Variants in NFATC3 observed in about 807,000 individuals in gnomAD.
NFATC3 encodes the protein nuclear factor of activated T cells 3.
NFATC3 carries 46 observed loss-of-function variants against 98.6 expected under a neutral mutation model. The ratio of observed to expected loss-of-function variants is 0.47; its 90% CI spans 0.37 to 0.60. NFATC3 has a LOEUF of 0.60. NFATC3 is among the 20% of genes least tolerant of loss of function. The pLI is 0.00. For synonymous variants in NFATC3, 512 were observed against 472.2 expected, an observed-to-expected ratio of 1.08 and a Z score of -1.09; for missense variants, 1,256 against 1,295.5, an observed-to-expected ratio of 0.97 and a Z score of 0.47.
At chr16:68,160,998 G>A (rs1217811730) in intron 4 of NFATC3, among the ~76,000 whole-genome samples, 1 of 152,052 alleles carries the variant, frequency 6.6e-6, no homozygotes, top group Non-Finnish European at 1.5e-5. Context: ...TTAAACATTT[G>A]TGTTCTATAA....
At position 68,228,813 on chromosome 16, in the gene NFATC3, G is replaced by A. The variant is rs1429291396; in HGVS notation, c.*2342G>A. 6.6e-6 allele frequency: 1 copy of A among 152,380 alleles called. No individual in the cohort carries two copies. Among genetic ancestry groups the A allele is most frequent in the Non-Finnish European group, 1.5e-5 (1 of 68,052 alleles). 9.4% of individuals were successfully genotyped at this position (152,380 alleles called of 1,614,324 possible). A position where few individuals can be genotyped will look rare whatever the true frequency, so the allele number is the denominator to read the frequency against. ...CCTACTCTAACTGTGCTAGCTCTTG[G>A]GTTGAGGAATGGAATGGGTAGCCTT... On this transcript the variant is annotated 3_prime_UTR_variant, in exon 10 of 10. Transcript: ENST00000346183.
intron 9 of NFATC3, among the ~76,000 whole-genome samples, chr16:68,195,877 G>T (rs1006066364): frequency 6.6e-6 from 1 of 151,852 alleles, no homozygotes; most frequent in African/African-American, 2.4e-5. Flanking sequence ...TTTTGTGATG[G>T]TAGTCTCACC....
At position 68,190,982 on chromosome 16, in the gene NFATC3, T is replaced by G; in HGVS notation, c.2313T>G (p.Asp771Glu). The change falls in exon 9 of 10, where the codon GAT (aspartate) becomes GAG (glutamate). Residue 771 changes from aspartate (D) to glutamate (E), a missense_variant. This residue lies in a region of NFATC3 where 636 missense variants were observed against 617.3 expected (regional missense o/e 1.03). Coordinates refer to ENST00000346183, the MANE Select transcript of NFATC3 (RefSeq NM_173165.3). ...SSHLPQLQCR[D>E]ESVSKEQHMI... Reference sequence around the variant, plus strand: ...ATCTGCCACAGTTGCAGTGTAGAGATGAGAGTGTTAGTAAAGAACAGCATA... The same window carrying G: ...ATCTGCCACAGTTGCAGTGTAGAGAGGAGAGTGTTAGTAAAGAACAGCATA... 1 of 1,614,182 alleles carries G rather than the reference T, an allele frequency of 6.2e-7. No homozygotes were observed.
intron 3 of NFATC3, among the ~76,000 whole-genome samples, chr16:68,127,978 C>T (rs1488607085): frequency 6.6e-6 from 1 of 152,136 alleles, no homozygotes; most frequent in Non-Finnish European, 1.5e-5. Context: ...CTCACTACTA[C>T]TACTTTTTTA....
chr16:68,221,401 T>G (rs2041859103), intron 9 of NFATC3: 1 of 1,479,474 alleles, frequency 6.8e-7, no homozygotes, highest in African/African-American at 1.4e-5. Context: ...TGAAAGCACT[T>G]TGTTGCAGTT....
chr16:68,201,226 T>C (rs1443105061), intron 9 of NFATC3, among the ~76,000 whole-genome samples: 2 of 149,054 alleles, frequency 1.3e-5, no homozygotes, highest in Non-Finnish European at 3.0e-5. Flanking sequence ...GCCACTGCAC[T>C]TGGCCTTTTT....
chr16:68,129,939 A>C (rs1274508304), intron 3 of NFATC3, among the ~76,000 whole-genome samples: 1 of 151,724 alleles, frequency 6.6e-6, no homozygotes, highest in African/African-American at 2.4e-5. Flanking sequence ...TGGCCTCCCA[A>C]AGTACTGGGA....
chr16:68,138,119 C>T (rs1249290706), intron 3 of NFATC3, among the ~76,000 whole-genome samples: 1 of 151,836 alleles, frequency 6.6e-6, no homozygotes, highest in Non-Finnish European at 1.5e-5. Context: ...CACTGCAACC[C>T]CTGCCTGCTG....
At chr16:68,093,339 G>A (rs559983576) in intron 1 of NFATC3, among the ~76,000 whole-genome samples, 1 of 152,248 alleles carries the variant, frequency 6.6e-6, no homozygotes, top group South Asian at 2.1e-4. Context: ...AGCTAATTCA[G>A]TCCTTCCATT....
intron 8 of NFATC3, among the ~76,000 whole-genome samples, chr16:68,186,538 TCAAAA>T (rs1417123619): frequency 6.6e-6 from 1 of 152,140 alleles, no homozygotes; most frequent in Non-Finnish European, 1.5e-5. Flanking sequence ...AGACTCCATC[TCAAAA>T]CAAAAACAAA....
At chr16:68,112,101 G>A (rs1436915296) in intron 1 of NFATC3, among the ~76,000 whole-genome samples, 1 of 151,826 alleles carries the variant, frequency 6.6e-6, no homozygotes, top group Non-Finnish European at 1.5e-5. Context: ...TTTTGGGATT[G>A]ATCTTCTCAT....
intron 3 of NFATC3, among the ~76,000 whole-genome samples, chr16:68,153,137 C>T (rs1251756565): frequency 2.0e-5 from 3 of 152,256 alleles, no homozygotes; most frequent in Non-Finnish European, 4.4e-5. Context: ...TGGCTCACGC[C>T]TGTAATCTCA....
chr16:68,208,485 C>T (rs990070943), intron 9 of NFATC3, among the ~76,000 whole-genome samples: 1 of 152,128 alleles, frequency 6.6e-6, no homozygotes, highest in Non-Finnish European at 1.5e-5. Flanking sequence ...CTGAGGCAGG[C>T]TGATCACCTG....
chr16:68,192,515 G>C (rs756224951), intron 9 of NFATC3, among the ~76,000 whole-genome samples: 4 of 151,862 alleles, frequency 2.6e-5, no homozygotes, highest in Non-Finnish European at 5.9e-5. Context: ...GCTGAATGCT[G>C]TCCTTTTGCA....
intron 1 of NFATC3, among the ~76,000 whole-genome samples, chr16:68,094,002 T>G (rs947158800): frequency 1.3e-5 from 2 of 152,216 alleles, no homozygotes; most frequent in African/African-American, 4.8e-5. Context: ...GAGGGATGCT[T>G]CTTATTCCTG....
intron 9 of NFATC3, among the ~76,000 whole-genome samples, chr16:68,198,313 T>C (rs974859877): frequency 8.5e-5 from 13 of 152,066 alleles, no homozygotes; most frequent in Non-Finnish European, 1.8e-4. Context: ...ATGAGACCCT[T>C]GTCTCAAAAA....
At chr16:68,090,028 A>G (rs2034617658) in intron 1 of NFATC3, among the ~76,000 whole-genome samples, 1 of 152,148 alleles carries the variant, frequency 6.6e-6, no homozygotes, top group African/African-American at 2.4e-5. Context: ...TTAATACACA[A>G]CTTTTTCATA....
At chr16:68,164,428 G>A (rs1177445700) in intron 4 of NFATC3, among the ~76,000 whole-genome samples, 1 of 152,142 alleles carries the variant, frequency 6.6e-6, no homozygotes, top group African/African-American at 2.4e-5. Context: ...GGGAGAGGGA[G>A]AGCGCCTAAT....
At chr16:68,172,643 A>G (rs752542400) in intron 5 of NFATC3, among the ~76,000 whole-genome samples, 1 of 151,984 alleles carries the variant, frequency 6.6e-6, no homozygotes, top group Non-Finnish European at 1.5e-5. Flanking sequence ...TTAGTTGTGT[A>G]TGGTAATGCA....
Sources: allele counts gnomAD v4.1 joint callset (sites outside exome capture counted in the v4.1 genomes callset), GRCh38; gene constraint gnomAD v4.1.1; regional missense constraint gnomAD v4.1.1; transcripts MANE v1.5; gene names NCBI Gene and HGNC (gene_info 2026-07-23, HGNC 2026-07-21).